SYNPR: variants seen among roughly 807,000 people sequenced by gnomAD.
SYNPR encodes synaptoporin.
In SYNPR, 23 loss-of-function variants were observed where a neutral mutation model predicts 32.9. The ratio of observed to expected loss-of-function variants is 0.70; its 90% CI spans 0.50 to 0.99. The LOEUF (loss-of-function observed/expected upper bound fraction) is 0.99, where lower values mean the gene tolerates loss of function less well. Ranked by LOEUF, SYNPR falls within the 50% of genes least tolerant of loss-of-function variation. The pLI is 0.00. For missense variants in SYNPR, 318 were observed against 349.3 expected (o/e 0.91, Z 0.71); for synonymous variants, 146 against 135.9 (o/e 1.07, Z -0.52).
chr3:63,496,609 T>C (rs1462070464), intron 3 of SYNPR, among the ~76,000 whole-genome samples: 1 of 152,196 alleles, frequency 6.6e-6, no homozygotes, highest in Admixed American at 6.6e-5. Context: ...ATCAGGAAGA[T>C]ATGAAAGTGC....
chr3:63,264,261 T>C (rs538437359), intron 2 of SYNPR, among the ~76,000 whole-genome samples: 1 of 152,070 alleles, frequency 6.6e-6, no homozygotes, highest in Admixed American at 6.5e-5. Context: ...TGATATTGGG[T>C]AGATTAAAAA....
At chr3:63,394,863 G>T (rs922612216) in intron 2 of SYNPR, among the ~76,000 whole-genome samples, 1 of 152,054 alleles carries the variant, frequency 6.6e-6, no homozygotes, top group African/African-American at 2.4e-5. Flanking sequence ...ACTACTAAAG[G>T]AATACTGAGT....
intron 2 of SYNPR, among the ~76,000 whole-genome samples, chr3:63,456,698 CT>C (rs1700489486): frequency 6.6e-6 from 1 of 152,084 alleles, no homozygotes; most frequent in African/African-American, 2.4e-5. Flanking sequence ...CTCTTAACCA[CT>C]GCACAAACTC....
chr3:63,557,511 G>A (rs1030234821), intron 4 of SYNPR, among the ~76,000 whole-genome samples: 4 of 152,180 alleles, frequency 2.6e-5, no homozygotes, highest in African/African-American at 9.7e-5. Context: ...CTGAAAAGGG[G>A]ACCATTGAAA....
intron 4 of SYNPR, among the ~76,000 whole-genome samples, chr3:63,592,458 A>G (rs1323370386): frequency 1.3e-5 from 2 of 152,094 alleles, no homozygotes; most frequent in Admixed American, 6.6e-5. Flanking sequence ...CTGAGGATAC[A>G]ATAAAATCAG....
At chr3:63,434,503 A>AG (rs1223351927) in intron 2 of SYNPR, among the ~76,000 whole-genome samples, 1 of 151,966 alleles carries the variant, frequency 6.6e-6, no homozygotes, top group East Asian at 1.9e-4. Flanking sequence ...GAAAAAGTCA[A>AG]GTACCTCTTG....
chr3:63,282,682 CAG>C (rs1367311571), intron 2 of SYNPR, among the ~76,000 whole-genome samples: 931 of 42,314 alleles, frequency 0.022, 13 homozygotes, highest in African/African-American at 0.052. Flanking sequence ...GACACTGTCT[CAG>C]AAAAAAAAAA....
At chr3:63,527,361 A>T (rs1456096919) in intron 3 of SYNPR, among the ~76,000 whole-genome samples, 2 of 149,020 alleles carry the variant, frequency 1.3e-5, no homozygotes, top group Admixed American at 1.4e-4. Context: ...TACCAACCAC[A>T]GTCTTCCCTT....
At chr3:63,531,960 T>G (rs1190551037) in intron 3 of SYNPR, among the ~76,000 whole-genome samples, 1 of 152,214 alleles carries the variant, frequency 6.6e-6, no homozygotes, top group East Asian at 1.9e-4. Flanking sequence ...CTTCTGGGAC[T>G]GTAAGTCTAC....
At chr3:63,471,327 A>C (rs898678168) in intron 2 of SYNPR, among the ~76,000 whole-genome samples, 3 of 152,202 alleles carry the variant, frequency 2.0e-5, no homozygotes, top group African/African-American at 7.2e-5. Flanking sequence ...AGACAATTGC[A>C]TGTCTTCCAG....
At chr3:63,327,094 A>C (rs898953507) in intron 2 of SYNPR, among the ~76,000 whole-genome samples, 1 of 152,110 alleles carries the variant, frequency 6.6e-6, no homozygotes, top group Non-Finnish European at 1.5e-5. Flanking sequence ...AACTATGTAA[A>C]AGTTGCAATC....
intron 4 of SYNPR, among the ~76,000 whole-genome samples, chr3:63,597,724 C>G (rs976811527): frequency 2.6e-5 from 4 of 152,218 alleles, no homozygotes; most frequent in African/African-American, 9.6e-5. Flanking sequence ...TGAATCTAAT[C>G]TCCCTCACAC....
chr3:63,421,181 C>T lies in SYNPR; in HGVS notation c.85-59651C>T, dbSNP rs562237996. ...TACAGGCATGAGCCACTATGCCCAG[C>T]TTCTAATAGGCAATTCACAAGAGAG... is the stretch of plus-strand genomic sequence containing the variant. On this transcript the variant is annotated intron_variant, in intron 2 of 5. Coordinates refer to ENST00000478300, the MANE Select transcript of SYNPR (RefSeq NM_001130003.2). Among the ~76,000 whole-genome samples, 8 of 152,270 alleles carry T rather than the reference C, an allele frequency of 5.3e-5. No individual in the cohort carries two copies. In the East Asian group the frequency reaches 1.5e-3, roughly 29 times the overall value.
intron 3 of SYNPR, among the ~76,000 whole-genome samples, chr3:63,498,630 C>T (rs1701417032): frequency 6.6e-6 from 1 of 152,008 alleles, no homozygotes; most frequent in Non-Finnish European, 1.5e-5. Context: ...GATGGAACAG[C>T]AGGAGCAAAG....
intron 2 of SYNPR, among the ~76,000 whole-genome samples, chr3:63,412,823 A>C (rs1386128106): frequency 6.6e-6 from 1 of 152,176 alleles, no homozygotes; most frequent in Non-Finnish European, 1.5e-5. Flanking sequence ...CCTGAAGATT[A>C]CCAGGTACCA....
chr3:63,423,234 T>A (rs1436505147), intron 2 of SYNPR, among the ~76,000 whole-genome samples: 6 of 152,206 alleles, frequency 3.9e-5, no homozygotes, highest in African/African-American at 1.2e-4. Context: ...TTTTTTCATT[T>A]AAAGGATTCA....
chr3:63,246,349 T>A (rs1442819799), intron 1 of SYNPR, among the ~76,000 whole-genome samples: 1 of 152,130 alleles, frequency 6.6e-6, no homozygotes, highest in Admixed American at 6.6e-5. Flanking sequence ...ACTTGTTTGA[T>A]CCATTTATTT....
intron 2 of SYNPR, among the ~76,000 whole-genome samples, chr3:63,454,267 A>G (rs1287567092): frequency 6.6e-6 from 1 of 152,162 alleles, no homozygotes; most frequent in East Asian, 1.9e-4. Context: ...AATTTATCAG[A>G]AGAAACTTAC....
Position 63,437,396 on chromosome 3 carries a change from T to C in SYNPR, c.85-43436T>C, listed in dbSNP as rs149617059. 4.6e-3 allele frequency among the ~76,000 whole-genome samples: 698 copies of C among 152,176 alleles called. 4 individuals carry two copies. The highest frequency in any genetic ancestry group is 0.016 in the African/African-American group (652 of 41,518). On this transcript the variant is annotated intron_variant, in intron 2 of 5. Coordinates refer to ENST00000478300, the MANE Select transcript of SYNPR (RefSeq NM_001130003.2). ...TGACAAGACCACACAAGTAGTAATA[T>C]ACAGAGCTGGAACTAGAATCCACCT...
Sources: allele counts gnomAD v4.1 joint callset (sites outside exome capture counted in the v4.1 genomes callset), GRCh38; gene constraint gnomAD v4.1.1; transcripts MANE v1.5; gene names NCBI Gene and HGNC (gene_info 2026-07-23, HGNC 2026-07-21).